Variants in DCC observed in about 807,000 individuals in gnomAD.
The protein encoded by DCC is netrin receptor DCC.
In DCC, 58 loss-of-function variants were observed where a neutral mutation model predicts 172.5. The observed-to-expected ratio is 0.34, with a 90% confidence interval of 0.27 to 0.42. The LOEUF is 0.42. DCC is among the 10% of genes least tolerant of loss of function. DCC has a pLI of 1.00. For synonymous variants in DCC, 709 were observed against 644.5 expected, an observed-to-expected ratio of 1.10 and a Z score of -1.52; for missense variants, 1,740 against 1,791.0, an observed-to-expected ratio of 0.97 and a Z score of 0.51.
chr18:52,387,351 A>G (rs1985841078), intron 1 of DCC, among the ~76,000 whole-genome samples: 1 of 152,094 alleles, frequency 6.6e-6, no homozygotes, highest in Non-Finnish European at 1.5e-5. Flanking sequence ...AAAAATTGGT[A>G]AATTACAGGA....
rs114185286 is a variant in DCC, at chr18:52,790,985, T to C, written c.412+38611T>C. Among the ~76,000 whole-genome samples the C allele has an allele frequency of 5.1e-3, 782 of 152,258 alleles. 6 individuals carry two copies. The highest frequency in any genetic ancestry group is 0.017 in the African/African-American group (718 of 41,532). On this transcript the variant is annotated intron_variant, in intron 2 of 28. Transcript: ENST00000442544. ...TTGAACCCTCGTGGCATCACCTCCA[T>C]TGGACATTTTCTGCAGGGTTAAGAG...
chr18:53,361,875 T>G (rs2057952056), intron 15 of DCC, among the ~76,000 whole-genome samples: 1 of 152,108 alleles, frequency 6.6e-6, no homozygotes, highest in Admixed American at 6.6e-5. Flanking sequence ...AGAGTAAAAG[T>G]AGATGATTTT....
At chr18:52,421,543 G>A (rs538239270) in intron 1 of DCC, among the ~76,000 whole-genome samples, 1 of 152,294 alleles carries the variant, frequency 6.6e-6, no homozygotes, top group South Asian at 2.1e-4. Flanking sequence ...CCCTGCCTCA[G>A]GCTCTTGAGG....
At chr18:53,017,280 C>T (rs1277590465) in intron 5 of DCC, among the ~76,000 whole-genome samples, 1 of 152,012 alleles carries the variant, frequency 6.6e-6, no homozygotes, top group East Asian at 1.9e-4. Context: ...TCATAACATG[C>T]AAATATAATT....
chr18:52,738,280 T>C (rs34362394), intron 1 of DCC, among the ~76,000 whole-genome samples: 36,937 of 152,092 alleles, frequency 0.24, 5,221 homozygotes, highest in South Asian at 0.36. Context: ...GATTTTGTCA[T>C]TGTGCAAACA....
intron 1 of DCC, among the ~76,000 whole-genome samples, chr18:52,393,447 C>A (rs2144354801): frequency 6.6e-6 from 1 of 152,098 alleles, no homozygotes; most frequent in South Asian, 2.1e-4. Flanking sequence ...AGGGTGAGAC[C>A]TAGCAATCCA....
chr18:53,171,831 C>T (rs1466336199), intron 8 of DCC, among the ~76,000 whole-genome samples: 1 of 150,898 alleles, frequency 6.6e-6, no homozygotes, highest in Admixed American at 6.7e-5. Context: ...AAATACCATT[C>T]CACATCAGTC....
intron 3 of DCC, among the ~76,000 whole-genome samples, chr18:52,919,495 A>C (rs1402239029): frequency 1.3e-5 from 2 of 152,168 alleles, no homozygotes; most frequent in African/African-American, 4.8e-5. Context: ...GCAAAAGCTG[A>C]CATTTTCATA....
chr18:52,727,855 C>T (rs559916999), intron 1 of DCC, among the ~76,000 whole-genome samples: 1 of 152,090 alleles, frequency 6.6e-6, no homozygotes, highest in Admixed American at 6.5e-5. Flanking sequence ...TTTAAAATAT[C>T]TTTGGGTTTT....
At chr18:53,222,383 C>CTTTTTTTTTT (rs67373546) in intron 12 of DCC, among the ~76,000 whole-genome samples, 4 of 104,212 alleles carry the variant, frequency 3.8e-5, no homozygotes, top group Non-Finnish European at 5.3e-5. Flanking sequence ...TTTCTTTTTT[C>CTTTTTTTTTT]TTTTTTTTTT....
intron 1 of DCC, among the ~76,000 whole-genome samples, chr18:52,475,711 A>G (rs1989073627): frequency 6.6e-6 from 1 of 152,162 alleles, no homozygotes; most frequent in South Asian, 2.1e-4. Context: ...GGAAAGAGGG[A>G]AGGAGAGAGT....
At chr18:52,592,599 T>C (rs2033823171) in intron 1 of DCC, among the ~76,000 whole-genome samples, 1 of 152,180 alleles carries the variant, frequency 6.6e-6, no homozygotes, top group African/African-American at 2.4e-5. Flanking sequence ...ATTAAACCTC[T>C]TTGGGTTTTC....
rs1285351357 is a variant in DCC at position 53,428,677 on chromosome 18, T to C, written c.3164-6467T>C. On this transcript the variant is annotated intron_variant, in intron 21 of 28. Coordinates refer to ENST00000442544, the MANE Select transcript of DCC (RefSeq NM_005215.4). Reference sequence around the variant, plus strand: ...TATATAATGTATATTTTATATAATATATATTTTTATATATAATGTATATTT... The same window carrying C: ...TATATAATGTATATTTTATATAATACATATTTTTATATATAATGTATATTT... Among the ~76,000 whole-genome samples the C allele has an allele frequency of 7.9e-5, 5 of 63,372 alleles. 2 individuals carry two copies. Among genetic ancestry groups the C allele is most frequent in the Non-Finnish European group, 1.6e-4 (5 of 32,176 alleles). 41.6% of individuals were successfully genotyped at this position (63,372 alleles called of 152,430 possible). A position where few individuals can be genotyped will look rare whatever the true frequency, so the allele number is the denominator to read the frequency against.
At chr18:52,605,544 T>C (rs950370607) in intron 1 of DCC, among the ~76,000 whole-genome samples, 4 of 152,204 alleles carry the variant, frequency 2.6e-5, no homozygotes, top group Non-Finnish European at 5.9e-5. Flanking sequence ...AAATATTGTC[T>C]AATCAGCAGT....
At chr18:53,434,174 T>C (rs567559363) in intron 21 of DCC, among the ~76,000 whole-genome samples, 1 of 152,296 alleles carries the variant, frequency 6.6e-6, no homozygotes, top group African/African-American at 2.4e-5. Context: ...TATGTTACTG[T>C]ATCTGAGTGT....
At chr18:52,642,016 A>ATGTGTG (rs1339129882) in intron 1 of DCC, among the ~76,000 whole-genome samples, 58 of 38,586 alleles carry the variant, frequency 1.5e-3, no homozygotes, top group African/African-American at 5.0e-3. Context: ...GTGTGTGTGT[A>ATGTGTG]TATATATATA....
intron 1 of DCC, among the ~76,000 whole-genome samples, chr18:52,421,480 G>T (rs1390759885): frequency 1.3e-5 from 2 of 152,196 alleles, no homozygotes. Flanking sequence ...AGGGCTGAAA[G>T]TCCCTTTTGT....
At chr18:52,466,989 C>A (rs1379181908) in intron 1 of DCC, among the ~76,000 whole-genome samples, 1 of 151,830 alleles carries the variant, frequency 6.6e-6, no homozygotes, top group Non-Finnish European at 1.5e-5. Context: ...TGAGTTTGAG[C>A]CCATGTTCCA....
chr18:53,084,724 A>G (rs560493723), intron 7 of DCC, among the ~76,000 whole-genome samples: 2 of 152,344 alleles, frequency 1.3e-5, no homozygotes, highest in South Asian at 4.1e-4. Context: ...AGCTTTGCCT[A>G]GAGGACATGC....
Sources: gnomAD v4.1 joint callset for allele counts (sites outside exome capture counted in the v4.1 genomes callset) on GRCh38, gnomAD v4.1.1 for gene constraint, MANE v1.5 for transcripts, NCBI Gene and HGNC (gene_info 2026-07-23, HGNC 2026-07-21) for gene names.